Variants in SPTBN1 observed in about 807,000 individuals in gnomAD.
The protein encoded by SPTBN1 is spectrin beta, non-erythrocytic 1.
SPTBN1 carries 32 observed loss-of-function variants against 266.4 expected under a neutral mutation model. That is an observed-to-expected ratio of 0.12 (90% CI 0.09 to 0.16). The LOEUF (loss-of-function observed/expected upper bound fraction) is 0.16, where lower values mean the gene tolerates loss of function less well. Among genes scored for constraint, SPTBN1 ranks in the 10% least tolerant of loss-of-function variants. The pLI, the probability that SPTBN1 is intolerant of heterozygous loss-of-function variation, is 1.00. For missense variants in SPTBN1, 2,296 were observed against 3,067.1 expected, an observed-to-expected ratio of 0.75 and a Z score of 5.94; for synonymous variants, 1,336 against 1,162.2, an observed-to-expected ratio of 1.15 and a Z score of -3.04.
intron 2 of SPTBN1, among the ~76,000 whole-genome samples, chr2:54,561,264 C>T (rs1673278811): frequency 6.6e-6 from 1 of 152,180 alleles, no homozygotes. Flanking sequence ...CCCACCTCAG[C>T]CTCCCAAGTA....
rs766600186 is a variant in SPTBN1, at chr2:54,622,407, C to G, written c.984C>G (p.Arg328=). The G allele has an allele frequency of 6.2e-7, 1 of 1,614,192 alleles. No homozygotes were observed. The highest frequency in any genetic ancestry group is 8.5e-7 in the Non-Finnish European group (1 of 1,180,030). The change falls in exon 9 of 36, where the codon CGC becomes CGG. Residue 328 remains arginine (R), a synonymous_variant. Coordinates refer to ENST00000356805, the MANE Select transcript of SPTBN1 (RefSeq NM_003128.3). The part of the protein sequence containing the change: ...IEQTIIILNN[R]KFANSLVGVQ... ...AAACCATCATCATTCTGAACAATCG[C>G]AAATTTGCCAATTCACTGGTCGGGG...
intron 1 of SPTBN1, among the ~76,000 whole-genome samples, chr2:54,461,079 G>A (rs1693343254): frequency 6.6e-6 from 1 of 152,130 alleles, no homozygotes; most frequent in Admixed American, 6.6e-5. Context: ...TACATTCAGA[G>A]CCCACCTCCA....
At chr2:54,551,127 A>G (rs1003450779) in intron 2 of SPTBN1, among the ~76,000 whole-genome samples, 6 of 152,204 alleles carry the variant, frequency 3.9e-5, no homozygotes, top group Non-Finnish European at 7.3e-5. Flanking sequence ...TTTCTTTCTC[A>G]TGAGCTCTGC....
rs1201229289 is a variant in SPTBN1 at position 54,554,400 on chromosome 2, G to A, written c.148+27834G>A. On this transcript the variant is annotated intron_variant, in intron 2 of 35. Transcript: ENST00000356805. This position sits in a 1 kb window ranked among gnomAD's most constrained non-coding sequence, Gnocchi z 4.5. ...ACCTGCCTCACAGGGTTAGTCACTT[G>A]AGAAAATATATGTGGAAGCATTCTG... Among the ~76,000 whole-genome samples, 4 of 152,200 alleles carry A rather than the reference G, an allele frequency of 2.6e-5. No individual in the cohort carries two copies. Among genetic ancestry groups the A allele is most frequent in the Admixed American group, 1.3e-4 (2 of 15,278 alleles).
chr2:54,637,853 G>A, intron 18 of SPTBN1, 50 bp downstream of exon 18: 1 of 1,453,544 alleles, frequency 6.9e-7, no homozygotes, highest in Non-Finnish European at 9.6e-7. Flanking sequence ...AATAGCAATT[G>A]CCAGCCAGCA....
intron 1 of SPTBN1, among the ~76,000 whole-genome samples, chr2:54,496,389 G>A (rs189493568): frequency 2.4e-4 from 34 of 142,734 alleles, no homozygotes; most frequent in Admixed American, 1.1e-3. Context: ...AGTGAGCCGA[G>A]ATTGCGCCAC....
In SPTBN1 at chr2:54,619,726, C is replaced by T. The variant is rs117293451; in HGVS notation, c.763+1533C>T. 2.5e-3 allele frequency among the ~76,000 whole-genome samples: 382 copies of T among 152,186 alleles called. 8 individuals carry two copies. The East Asian group carries it at 0.048, about 19-fold the overall frequency. On this transcript the variant is annotated intron_variant, in intron 7 of 35. Transcript: ENST00000356805. ...CTACACTGGCATTTTTTCTGGCTGTCCTCCAGTTCACTCTCCTTTGTGCAC... is the reference window on the plus strand; with the variant it reads ...CTACACTGGCATTTTTTCTGGCTGTTCTCCAGTTCACTCTCCTTTGTGCAC...
intron 1 of SPTBN1, among the ~76,000 whole-genome samples, chr2:54,503,403 C>G (rs1669380133): frequency 6.6e-6 from 1 of 152,210 alleles, no homozygotes; most frequent in South Asian, 2.1e-4. Context: ...GTGCCCCCTA[C>G]CTGTCTGTTC....
intron 1 of SPTBN1, among the ~76,000 whole-genome samples, chr2:54,510,726 GA>G (rs1475735595): frequency 6.6e-6 from 1 of 152,216 alleles, no homozygotes; most frequent in African/African-American, 2.4e-5. Flanking sequence ...GTAAGTAGTT[GA>G]AAAATGCAGT....
At chr2:54,461,681 A>G (rs1351094889) in intron 1 of SPTBN1, among the ~76,000 whole-genome samples, 1 of 152,194 alleles carries the variant, frequency 6.6e-6, no homozygotes, top group Non-Finnish European at 1.5e-5. Context: ...TTCTCTGATT[A>G]TTGAGTTTGA....
intron 32 of SPTBN1, chr2:54,660,517 T>C (rs926738288): frequency 3.0e-6 from 3 of 986,318 alleles, no homozygotes; most frequent in African/African-American, 1.7e-5. Flanking sequence ...GACTGGTGTA[T>C]GAGGAGGGAG....
chr2:54,457,785 G>A (rs1371262960), intron 1 of SPTBN1, among the ~76,000 whole-genome samples: 1 of 152,242 alleles, frequency 6.6e-6, no homozygotes. Flanking sequence ...TGTGGCGTCA[G>A]GAGGACCAGG....
chr2:54,528,658 C>G (rs774750454), intron 2 of SPTBN1: 1 of 148,938 alleles, frequency 6.7e-6, no homozygotes, highest in Admixed American at 6.7e-5. Context: ...TGAAGGCATA[C>G]TAACTCTGCA....
intron 32 of SPTBN1, 108 bp downstream of exon 32, chr2:54,660,107 G>C: frequency 6.2e-7 from 1 of 1,605,056 alleles, no homozygotes; most frequent in Non-Finnish European, 8.5e-7. Context: ...CATTTGTCAA[G>C]AATCACCCTT....
At chr2:54,601,093 T>A (rs919910094) in intron 3 of SPTBN1, among the ~76,000 whole-genome samples, 1 of 152,170 alleles carries the variant, frequency 6.6e-6, no homozygotes, top group South Asian at 2.1e-4. Context: ...AGTAAGTTTT[T>A]TTGTGGCAAC....
At chr2:54,600,227 C>G (rs951005145) in intron 3 of SPTBN1, among the ~76,000 whole-genome samples, 1 of 152,222 alleles carries the variant, frequency 6.6e-6, no homozygotes, top group Non-Finnish European at 1.5e-5. Context: ...TTGTTATCAG[C>G]TCAGAGACAG....
rs1268274718 is a variant in SPTBN1 at position 54,533,816 on chromosome 2, G to C, written c.148+7250G>C. Among the ~76,000 whole-genome samples, 1 of 152,162 alleles carries C rather than the reference G, an allele frequency of 6.6e-6. No homozygotes were observed. The highest frequency in any genetic ancestry group is 1.5e-5 in the Non-Finnish European group (1 of 68,038). On this transcript the variant is annotated intron_variant, in intron 2 of 35. Transcript: ENST00000356805. This position sits in a 1 kb window ranked among gnomAD's most constrained non-coding sequence, Gnocchi z 4.2. ...TCCGCCCGCCTTGGCCTCCCAAAGT[G>C]CTGGGATTACAGGCGTGAGCCTCCA...
At chr2:54,621,008 G>C (rs1677958018) in intron 7 of SPTBN1, among the ~76,000 whole-genome samples, 1 of 152,068 alleles carries the variant, frequency 6.6e-6, no homozygotes, top group Admixed American at 6.5e-5. Context: ...ATAAATAAGG[G>C]TCATCCCAAC....
chr2:54,457,102 C>T (rs955010347), intron 1 of SPTBN1, among the ~76,000 whole-genome samples: 6 of 151,370 alleles, frequency 4.0e-5, no homozygotes, highest in African/African-American at 1.5e-4. Context: ...AGGCGGCGGC[C>T]CCGCGCCCCC....
Sources: gnomAD v4.1 joint callset for allele counts (sites outside exome capture counted in the v4.1 genomes callset) on GRCh38, gnomAD v4.1.1 for gene constraint, Gnocchi (gnomAD v3.1) non-coding constraint, MANE v1.5 for transcripts, NCBI Gene and HGNC (gene_info 2026-07-23, HGNC 2026-07-21) for gene names.